The following KCNMB2 variants were observed in gnomAD, a reference collection of about 807,000 sequenced individuals.
KCNMB2 encodes the protein potassium calcium-activated channel subfamily M regulatory beta subunit 2, also known as calcium-activated potassium channel subunit beta-2.
In KCNMB2, 9 loss-of-function variants were observed where a neutral mutation model predicts 24.5. The observed-to-expected ratio is 0.37, with a 90% CI of 0.22 to 0.64. The LOEUF is 0.64. Ranked by LOEUF, KCNMB2 falls within the 30% of genes least tolerant of loss-of-function variation. KCNMB2 has a pLI of 0.63. For missense variants in KCNMB2, 226 were observed against 284.3 expected (o/e 0.79, Z 1.47); for synonymous variants, 109 against 104.4 (o/e 1.04, Z -0.27).
At chr3:178,798,697 G>A (rs1292701587) in intron 1 of KCNMB2, among the ~76,000 whole-genome samples, 1 of 152,000 alleles carries the variant, frequency 6.6e-6, no homozygotes. Flanking sequence ...ACACAGGGAG[G>A]GGAACTACAC....
intron 1 of KCNMB2, among the ~76,000 whole-genome samples, chr3:178,567,713 G>A (rs1230355652): frequency 6.6e-6 from 1 of 152,170 alleles, no homozygotes; most frequent in Non-Finnish European, 1.5e-5. Flanking sequence ...ACTATTTGTA[G>A]CCAGAGAGAG....
intron 1 of KCNMB2, among the ~76,000 whole-genome samples, chr3:178,632,680 A>G (rs1387702772): frequency 6.6e-6 from 1 of 152,164 alleles, no homozygotes; most frequent in Non-Finnish European, 1.5e-5. Flanking sequence ...GCCAAACAAT[A>G]TCATTTCACC....
intron 2 of KCNMB2, among the ~76,000 whole-genome samples, chr3:178,823,187 C>T (rs531766429): frequency 5.4e-4 from 82 of 152,202 alleles, no homozygotes; most frequent in Non-Finnish European, 1.1e-3. Context: ...CCTAGAATTT[C>T]CAAACAAAAT....
At chr3:178,772,537 C>T (rs1373112764) in intron 1 of KCNMB2, among the ~76,000 whole-genome samples, 1 of 152,164 alleles carries the variant, frequency 6.6e-6, no homozygotes, top group African/African-American at 2.4e-5. Context: ...CACCTTCTGC[C>T]ATGATTGTGA....
intron 1 of KCNMB2, among the ~76,000 whole-genome samples, chr3:178,750,321 T>C (rs1277879754): frequency 6.6e-6 from 1 of 152,022 alleles, no homozygotes; most frequent in African/African-American, 2.4e-5. Flanking sequence ...CACAAATGAA[T>C]CTAAAGTAGC....
chr3:178,809,272 G>C (rs1226117917), intron 2 of KCNMB2, among the ~76,000 whole-genome samples: 1 of 152,162 alleles, frequency 6.6e-6, no homozygotes, highest in Non-Finnish European at 1.5e-5. Context: ...AATTCTGAAG[G>C]CTTTATTAGA....
Position 178,843,319 on chromosome 3 carries a change from C to T in KCNMB2, c.*382C>T. 2.5e-6 allele frequency: 1 copy of T among 405,940 alleles called. No homozygotes were observed. 25.1% of individuals were successfully genotyped at this position (405,940 alleles called of 1,614,324 possible). ...CTCTTGAAGACAATATTTTTCATCA[C>T]TTATTGTTTACTAAAGCTACAGCCA... On this transcript the variant is annotated 3_prime_UTR_variant, in exon 5 of 5. Coordinates refer to ENST00000452583, the MANE Select transcript of KCNMB2 (RefSeq NM_181361.3).
chr3:178,702,269 C>G (rs1722126553), intron 1 of KCNMB2, among the ~76,000 whole-genome samples: 1 of 111,970 alleles, frequency 8.9e-6, no homozygotes, highest in Admixed American at 1.4e-4. Context: ...ACATCACACA[C>G]TAGGGCCTGT....
At chr3:178,538,470 G>A (rs752692747) in intron 1 of KCNMB2, among the ~76,000 whole-genome samples, 1 of 152,126 alleles carries the variant, frequency 6.6e-6, no homozygotes, top group Non-Finnish European at 1.5e-5. Flanking sequence ...TTTACAAATC[G>A]ATATTATTTC....
intron 1 of KCNMB2, among the ~76,000 whole-genome samples, chr3:178,664,227 G>A (rs1720637131): frequency 6.6e-6 from 1 of 152,044 alleles, no homozygotes; most frequent in African/African-American, 2.4e-5. Flanking sequence ...TGGAGGAGGA[G>A]GGTCAAGATT....
chr3:178,630,078 T>C (rs1200349324), intron 1 of KCNMB2, among the ~76,000 whole-genome samples: 1 of 152,200 alleles, frequency 6.6e-6, no homozygotes, highest in Non-Finnish European at 1.5e-5. Flanking sequence ...GTGTCCACCA[T>C]ATTGCTTTTT....
At chr3:178,650,878 C>G (rs1577072547) in intron 1 of KCNMB2, among the ~76,000 whole-genome samples, 2 of 152,156 alleles carry the variant, frequency 1.3e-5, no homozygotes, top group African/African-American at 2.4e-5. Flanking sequence ...GCTAAAAACT[C>G]TCAATAAACT....
chr3:178,683,648 T>C (rs1442577767), intron 1 of KCNMB2, among the ~76,000 whole-genome samples: 1 of 152,202 alleles, frequency 6.6e-6, no homozygotes, highest in Non-Finnish European at 1.5e-5. Flanking sequence ...TCAGTGGCCA[T>C]ATGTACCTAG....
At chr3:178,835,207 G>A (rs1715181873) in intron 4 of KCNMB2, among the ~76,000 whole-genome samples, 1 of 151,742 alleles carries the variant, frequency 6.6e-6, no homozygotes, top group African/African-American at 2.4e-5. Context: ...TCTCTGTAGT[G>A]GGACCTTTGT....
In KCNMB2 at chr3:178,552,434, G is replaced by A. The variant is rs150165159; in HGVS notation, c.-68+15723G>A. Among the ~76,000 whole-genome samples, 389 of 151,664 alleles carry A rather than the reference G, an allele frequency of 2.6e-3. 3 individuals carry two copies. The highest frequency in any genetic ancestry group is 9.0e-3 in the African/African-American group (370 of 41,318). The stretch of plus-strand genomic sequence containing the variant: ...CCACCATCCTAAGACAATTCAGTTT[G>A]ACAACCCATTTCAGACAAAATACTA... On this transcript the variant is annotated intron_variant, in intron 1 of 4. Coordinates refer to ENST00000452583, the MANE Select transcript of KCNMB2 (RefSeq NM_181361.3).
At chr3:178,657,251 AG>A (rs1483715499) in intron 1 of KCNMB2, among the ~76,000 whole-genome samples, 1 of 152,218 alleles carries the variant, frequency 6.6e-6, no homozygotes, top group African/African-American at 2.4e-5. Flanking sequence ...TCATTTCTTC[AG>A]GCTGCTGGTG....
rs146045277 is a variant in KCNMB2, at chr3:178,726,947, C to T, written c.-67-80396C>T. On this transcript the variant is annotated intron_variant, in intron 1 of 4. Coordinates refer to ENST00000452583, the MANE Select transcript of KCNMB2 (RefSeq NM_181361.3). ...TTTCATTGATTTTTCCATTCTGTTG[C>T]GATCACATTTTCATTACTACCCTGG... 3.0e-3 allele frequency among the ~76,000 whole-genome samples: 463 copies of T among 151,896 alleles called. 6 individuals carry two copies. The highest frequency in any genetic ancestry group is 0.011 in the South Asian group (55 of 4,818).
intron 1 of KCNMB2, among the ~76,000 whole-genome samples, chr3:178,759,575 G>A (rs550784464): frequency 8.5e-6 from 1 of 117,846 alleles, no homozygotes; most frequent in Non-Finnish European, 1.7e-5. Context: ...CTCTCCACGA[G>A]GATATATATA....
At chr3:178,771,098 A>G (rs1051281570) in intron 1 of KCNMB2, among the ~76,000 whole-genome samples, 1 of 152,122 alleles carries the variant, frequency 6.6e-6, no homozygotes, top group Non-Finnish European at 1.5e-5. Flanking sequence ...CAAAATCACA[A>G]TACCATTCTT....
Sources: gnomAD v4.1 joint callset for allele counts (sites outside exome capture counted in the v4.1 genomes callset) on GRCh38, gnomAD v4.1.1 for gene constraint, MANE v1.5 for transcripts, NCBI Gene and HGNC (gene_info 2026-07-23, HGNC 2026-07-21) for gene names.